The following MARCHF1 variants were observed in gnomAD, a reference collection of about 807,000 sequenced individuals.
The protein encoded by MARCHF1 is E3 ubiquitin-protein ligase MARCHF1.
Under a neutral mutation model 54.2 loss-of-function variants are expected in MARCHF1, and 40 were observed. The ratio of observed to expected loss-of-function variants is 0.74; its 90% CI spans 0.57 to 0.96. The LOEUF (loss-of-function observed/expected upper bound fraction) is 0.96. Ranked by LOEUF, MARCHF1 falls within the 40% of genes least tolerant of loss-of-function variation. The pLI is 0.00. For synonymous variants in MARCHF1, 236 were observed against 236.3 expected, an observed-to-expected ratio of 1.00 and a Z score of 0.01; for missense variants, 586 against 656.5, an observed-to-expected ratio of 0.89 and a Z score of 1.17.
At chr4:164,215,971 T>C (rs1364839787) in intron 1 of MARCHF1, among the ~76,000 whole-genome samples, 5 of 152,160 alleles carry the variant, frequency 3.3e-5, no homozygotes, top group Non-Finnish European at 7.4e-5. Flanking sequence ...ATGAAAAAAG[T>C]AGGAAAAATA....
At chr4:163,568,146 G>A (rs757987278) in intron 8 of MARCHF1, among the ~76,000 whole-genome samples, 7 of 151,922 alleles carry the variant, frequency 4.6e-5, no homozygotes, top group Non-Finnish European at 7.4e-5. Context: ...CAATATAAGT[G>A]TATGGCTACA....
At chr4:163,912,644 T>C (rs1238118178) in intron 3 of MARCHF1, among the ~76,000 whole-genome samples, 1 of 152,210 alleles carries the variant, frequency 6.6e-6, no homozygotes, top group Non-Finnish European at 1.5e-5. Context: ...GTGATCCACA[T>C]TGATTATTTA....
intron 2 of MARCHF1, among the ~76,000 whole-genome samples, chr4:164,008,670 A>G (rs1042443126): frequency 6.6e-6 from 1 of 152,138 alleles, no homozygotes; most frequent in African/African-American, 2.4e-5. Context: ...CTAGAAATCA[A>G]TAATAAGAGG....
At chr4:163,650,532 G>A (rs1182038242) in intron 5 of MARCHF1, among the ~76,000 whole-genome samples, 1 of 151,850 alleles carries the variant, frequency 6.6e-6, no homozygotes, top group Non-Finnish European at 1.5e-5. Flanking sequence ...TGACGATGAA[G>A]CTTATATTAA....
chr4:164,153,618 A>G (rs1190945909), intron 1 of MARCHF1, among the ~76,000 whole-genome samples: 1 of 152,166 alleles, frequency 6.6e-6, no homozygotes, highest in Non-Finnish European at 1.5e-5. Context: ...TTATGAATAA[A>G]TGACACTTTT....
intron 1 of MARCHF1, among the ~76,000 whole-genome samples, chr4:164,308,604 AT>A (rs988407878): frequency 2.6e-5 from 4 of 152,198 alleles, no homozygotes; most frequent in African/African-American, 7.2e-5. Flanking sequence ...TTTGTAAAAA[AT>A]ATCAAAATTA....
intron 1 of MARCHF1, among the ~76,000 whole-genome samples, chr4:164,341,526 CAGT>C (rs1729928191): frequency 6.6e-6 from 1 of 152,184 alleles, no homozygotes; most frequent in African/African-American, 2.4e-5. Flanking sequence ...AGCTTAAAAA[CAGT>C]AGAAGTTTAT....
chr4:163,765,770 T>A (rs1028364142), intron 4 of MARCHF1, among the ~76,000 whole-genome samples: 2 of 151,002 alleles, frequency 1.3e-5, no homozygotes, highest in African/African-American at 4.9e-5. Flanking sequence ...TAACTTAACA[T>A]ATTTATGGAA....
chr4:163,706,677 G>A lies in MARCHF1; in HGVS notation c.112-5814C>T, dbSNP rs532389417. Among the ~76,000 whole-genome samples, 4 of 152,060 alleles carry A rather than the reference G, an allele frequency of 2.6e-5. No individual in the cohort carries two copies. In the South Asian group the frequency reaches 8.3e-4, roughly 32 times the overall value. ...ATAAACCCTCTACAAATTGACATAT[G>A]AGTAGAATGCAGTTCCAATTAAATC... On this transcript the variant is annotated intron_variant, in intron 4 of 9. Coordinates refer to ENST00000514618, the MANE Select transcript of MARCHF1 (RefSeq NM_001394959.1).
At chr4:164,213,203 TTTATTA>T (rs200182175) in intron 1 of MARCHF1, among the ~76,000 whole-genome samples, 19,881 of 141,550 alleles carry the variant, frequency 0.14, 1,769 homozygotes, top group Middle Eastern at 0.2. Context: ...GGCTTTTACT[TTTATTA>T]TTATTATTAT....
intron 1 of MARCHF1, among the ~76,000 whole-genome samples, chr4:164,349,602 C>T (rs1414219743): frequency 6.6e-6 from 1 of 152,030 alleles, no homozygotes; most frequent in Non-Finnish European, 1.5e-5. Context: ...GGAATTAGTA[C>T]AATTTTAGAG....
chr4:163,749,700 C>T (rs1037729822), intron 4 of MARCHF1, among the ~76,000 whole-genome samples: 1 of 152,028 alleles, frequency 6.6e-6, no homozygotes, highest in East Asian at 1.9e-4. Flanking sequence ...TGTGGTTAGA[C>T]AGCTTCTAAG....
At chr4:164,261,971 T>G (rs934382015) in intron 1 of MARCHF1, among the ~76,000 whole-genome samples, 11 of 150,034 alleles carry the variant, frequency 7.3e-5, no homozygotes, top group Non-Finnish European at 1.3e-4. Context: ...ATGTTGTGGG[T>G]GTGTGTGTGT....
chr4:164,326,704 A>G (rs1352150267), intron 1 of MARCHF1, among the ~76,000 whole-genome samples: 1 of 152,208 alleles, frequency 6.6e-6, no homozygotes, highest in Non-Finnish European at 1.5e-5. Flanking sequence ...TAGATTTAGC[A>G]ATAAGATAAC....
At chr4:164,214,248 T>G (rs550542738) in intron 1 of MARCHF1, among the ~76,000 whole-genome samples, 37 of 152,328 alleles carry the variant, frequency 2.4e-4, no homozygotes, top group Admixed American at 1.2e-3. Flanking sequence ...CTCAGATTTC[T>G]GACCTACCGA....
chr4:164,000,769 A>T, intron 2 of MARCHF1, among the ~76,000 whole-genome samples: 1 of 151,740 alleles, frequency 6.6e-6, no homozygotes, highest in East Asian at 1.9e-4. Context: ...TGAATATTTT[A>T]CATAATTTTA....
intron 1 of MARCHF1, among the ~76,000 whole-genome samples, chr4:164,249,674 G>T (rs565415317): frequency 6.6e-6 from 1 of 151,642 alleles, no homozygotes; most frequent in Admixed American, 6.6e-5. Context: ...AAGGAAGAAA[G>T]TGCTAGGGGT....
At chr4:163,598,614 G>GA (rs765020147) in intron 7 of MARCHF1, among the ~76,000 whole-genome samples, 1 of 152,180 alleles carries the variant, frequency 6.6e-6, no homozygotes, top group Admixed American at 6.5e-5. Context: ...ACTAAACATA[G>GA]AAAAGGTACA....
At chr4:163,988,794 A>G (rs930416445) in intron 2 of MARCHF1, 85 bp from the exon 3 acceptor site, 1 of 152,250 alleles carries the variant, frequency 6.6e-6, no homozygotes, top group Admixed American at 6.5e-5. Flanking sequence ...ACACATTGAA[A>G]GGGGAGTTAA....
Sources: allele counts gnomAD v4.1 joint callset (sites outside exome capture counted in the v4.1 genomes callset), GRCh38; gene constraint gnomAD v4.1.1; transcripts MANE v1.5; gene names NCBI Gene and HGNC (gene_info 2026-07-23, HGNC 2026-07-21).